Variants in PLA2G4A observed in about 807,000 individuals in gnomAD.
PLA2G4A encodes phospholipase A2 group IVA.
In PLA2G4A, 40 loss-of-function variants were observed where a neutral mutation model predicts 81.9. The observed-to-expected ratio is 0.49, with a 90% confidence interval of 0.38 to 0.64. PLA2G4A has a LOEUF of 0.64. Ranked by LOEUF, PLA2G4A falls within the 30% of genes least tolerant of loss-of-function variation. The pLI is 0.00. For synonymous variants in PLA2G4A, 302 were observed against 296.9 expected (o/e 1.02, Z -0.18); for missense variants, 715 against 905.1 (o/e 0.79, Z 2.69).
At chr1:186,912,820 G>T (rs1021234374) in intron 7 of PLA2G4A, among the ~76,000 whole-genome samples, 4 of 138,970 alleles carry the variant, frequency 2.9e-5, no homozygotes, top group Admixed American at 1.5e-4. Context: ...ACATATATAT[G>T]TATCTAATAT....
intron 17 of PLA2G4A, among the ~76,000 whole-genome samples, chr1:186,984,894 C>G (rs961721313): frequency 2.6e-5 from 4 of 152,136 alleles, no homozygotes; most frequent in Non-Finnish European, 4.4e-5. Flanking sequence ...ACACTCAAGA[C>G]TAGCCTATGA....
intron 7 of PLA2G4A, among the ~76,000 whole-genome samples, chr1:186,924,078 T>C (rs1655459092): frequency 6.6e-6 from 1 of 152,198 alleles, no homozygotes; most frequent in Admixed American, 6.5e-5. Context: ...GATCCTAAGC[T>C]CCTCTTGAAT....
At chr1:186,889,595 A>C (rs1046163239) in intron 3 of PLA2G4A, among the ~76,000 whole-genome samples, 1 of 152,242 alleles carries the variant, frequency 6.6e-6, no homozygotes, top group South Asian at 2.1e-4. Context: ...TACATAAAGA[A>C]CTAGGAGCAA....
chr1:186,971,398 A>G (rs958731955), intron 15 of PLA2G4A, among the ~76,000 whole-genome samples: 1 of 151,932 alleles, frequency 6.6e-6, no homozygotes, highest in African/African-American at 2.4e-5. Flanking sequence ...TGTGTTTTAA[A>G]ATCATTTTGT....
intron 14 of PLA2G4A, among the ~76,000 whole-genome samples, chr1:186,956,954 C>T (rs1364400301): frequency 6.6e-6 from 1 of 151,892 alleles, no homozygotes; most frequent in Non-Finnish European, 1.5e-5. Context: ...TTTGGGAGGC[C>T]GAGACTGGTG....
chr1:186,892,048 T>G (rs558081671), intron 3 of PLA2G4A, among the ~76,000 whole-genome samples: 12 of 152,326 alleles, frequency 7.9e-5, no homozygotes, highest in African/African-American at 2.9e-4. Flanking sequence ...ATTAATGATG[T>G]TCAGCACTTT....
At chr1:186,928,744 G>A (rs1254071903) in intron 7 of PLA2G4A, among the ~76,000 whole-genome samples, 3 of 152,094 alleles carry the variant, frequency 2.0e-5, no homozygotes, top group African/African-American at 4.8e-5. Context: ...CTTTTGAAAG[G>A]GAGGCAATTA....
chr1:186,963,328 T>TA (rs1657024101), intron 14 of PLA2G4A, among the ~76,000 whole-genome samples: 1 of 152,234 alleles, frequency 6.6e-6, no homozygotes, highest in East Asian at 1.9e-4. Flanking sequence ...AGTTCAGTCT[T>TA]ACATCGTTAC....
intron 17 of PLA2G4A, among the ~76,000 whole-genome samples, chr1:186,985,530 T>C (rs763038496): frequency 7.9e-5 from 12 of 152,300 alleles, no homozygotes; most frequent in South Asian, 4.1e-4. Flanking sequence ...ACTTTCTCTC[T>C]TGGGCTTATT....
At chr1:186,863,389 A>T (rs923072307) in intron 2 of PLA2G4A, among the ~76,000 whole-genome samples, 17 of 152,192 alleles carry the variant, frequency 1.1e-4, no homozygotes. Context: ...ATATATATTT[A>T]TGGGGTACAG....
chr1:186,891,253 A>G (rs576480416), intron 3 of PLA2G4A, among the ~76,000 whole-genome samples: 1 of 152,258 alleles, frequency 6.6e-6, no homozygotes, highest in Admixed American at 6.5e-5. Context: ...TAATCACATC[A>G]TGGAGAATAG....
At chr1:186,853,263 A>T (rs545705416) in intron 1 of PLA2G4A, among the ~76,000 whole-genome samples, 43 of 150,482 alleles carry the variant, frequency 2.9e-4, no homozygotes, top group African/African-American at 6.3e-4. Context: ...CATTTTTTTA[A>T]AAAAAAATTT....
At chr1:186,967,283 A>G (rs1657166622) in intron 15 of PLA2G4A, among the ~76,000 whole-genome samples, 1 of 152,208 alleles carries the variant, frequency 6.6e-6, no homozygotes, top group Non-Finnish European at 1.5e-5. Context: ...ACAAAGAAAC[A>G]AGTATCAATG....
At chr1:186,899,478 G>A (rs898211103) in intron 5 of PLA2G4A, among the ~76,000 whole-genome samples, 1 of 152,160 alleles carries the variant, frequency 6.6e-6, no homozygotes, top group African/African-American at 2.4e-5. Context: ...TAGTCCTGGT[G>A]AAGAGAACAG....
chr1:186,923,297 G>A, intron 7 of PLA2G4A, among the ~76,000 whole-genome samples: 1 of 152,182 alleles, frequency 6.6e-6, no homozygotes, highest in East Asian at 1.9e-4. Context: ...TAGCTTCTCT[G>A]AAGTTTTTAG....
At chr1:186,935,930 AT>A (rs1223160545) in intron 8 of PLA2G4A, among the ~76,000 whole-genome samples, 1 of 151,862 alleles carries the variant, frequency 6.6e-6, no homozygotes, top group Non-Finnish European at 1.5e-5. Context: ...CTTTATGGTA[AT>A]TACTTCTGAA....
At chr1:186,892,640 A>G (rs1377778807) in intron 3 of PLA2G4A, among the ~76,000 whole-genome samples, 1 of 152,096 alleles carries the variant, frequency 6.6e-6, no homozygotes, top group Non-Finnish European at 1.5e-5. Context: ...TAAGCCCATG[A>G]TCTTGTCACT....
intron 7 of PLA2G4A, among the ~76,000 whole-genome samples, chr1:186,916,182 TC>T (rs1655131350): frequency 1.4e-5 from 2 of 138,744 alleles, no homozygotes; most frequent in East Asian, 2.1e-4. Flanking sequence ...CTTCTCCTCC[TC>T]GAACCAAGAT....
At chr1:186,829,178 G>A (rs534722614) in intron 1 of PLA2G4A, 143 bp downstream of exon 1, 6 of 152,352 alleles carry the variant, frequency 3.9e-5, no homozygotes, top group African/African-American at 1.4e-4. Context: ...AAGTCAGCAT[G>A]TCCTCTGCCT....
Sources: allele counts gnomAD v4.1 joint callset (sites outside exome capture counted in the v4.1 genomes callset), GRCh38; gene constraint gnomAD v4.1.1; transcripts MANE v1.5; gene names NCBI Gene and HGNC (gene_info 2026-07-23, HGNC 2026-07-21).